The following PAPPA2 variants were observed in gnomAD, a reference collection of about 807,000 sequenced individuals.
The protein encoded by PAPPA2 is pappalysin 2.
PAPPA2 carries 86 observed loss-of-function variants against 176.4 expected under a neutral mutation model. That is an observed-to-expected ratio of 0.49 (90% CI 0.41 to 0.58). The LOEUF (loss-of-function observed/expected upper bound fraction) is 0.58. PAPPA2 is among the 20% of genes least tolerant of loss of function. The pLI, the probability that PAPPA2 is intolerant of heterozygous loss-of-function variation, is 0.00. For missense variants in PAPPA2, 2,073 were observed against 2,256.9 expected, an observed-to-expected ratio of 0.92 and a Z score of 1.65; for synonymous variants, 809 against 852.2, an observed-to-expected ratio of 0.95 and a Z score of 0.88.
At chr1:176,738,490 TC>T (rs1662521870) in intron 12 of PAPPA2, among the ~76,000 whole-genome samples, 1 of 152,100 alleles carries the variant, frequency 6.6e-6, no homozygotes, top group South Asian at 2.1e-4. Context: ...ACTCTCCTGC[TC>T]CCCACTTTTA....
Position 176,740,201 on chromosome 1 carries a change from A to C in PAPPA2, c.4151+5A>C. The C allele has an allele frequency of 6.2e-7, 1 of 1,611,838 alleles. No individual in the cohort carries two copies. The highest frequency in any genetic ancestry group is 1.1e-5 in the South Asian group (1 of 91,012). ...GCAGAATCATCAGGGACAGAGGTACAAACTTCCCTTTCTTTCTTTTGTTTC... is the reference window on the plus strand; with the variant it reads ...GCAGAATCATCAGGGACAGAGGTACCAACTTCCCTTTCTTTCTTTTGTTTC... On this transcript the variant is annotated splice_donor_5th_base_variant and intron_variant, in intron 14 of 22. Transcript: ENST00000367662.
intron 20 of PAPPA2, 71 bp from the exon 21 acceptor site, chr1:176,799,990 G>T (rs1047177737): frequency 3.3e-5 from 50 of 1,514,410 alleles, no homozygotes; most frequent in Admixed American, 1.5e-4. Flanking sequence ...GGTGAGCTCA[G>T]GATTTGCCCC....
intron 1 of PAPPA2, among the ~76,000 whole-genome samples, chr1:176,513,197 C>T (rs1648720826): frequency 6.6e-6 from 1 of 152,030 alleles, no homozygotes; most frequent in African/African-American, 2.4e-5. Context: ...TCATCATCAC[C>T]ATCTATATCT....
intron 1 of PAPPA2, among the ~76,000 whole-genome samples, chr1:176,488,173 T>C (rs1453463921): frequency 2.0e-5 from 3 of 152,200 alleles, no homozygotes. Context: ...TGTAGGCATC[T>C]TCCCTTGTTT....
chr1:176,546,874 A>C (rs1234966225), intron 1 of PAPPA2, among the ~76,000 whole-genome samples: 4 of 152,208 alleles, frequency 2.6e-5, no homozygotes, highest in African/African-American at 9.6e-5. Flanking sequence ...TAAATCAATA[A>C]ATTTCAAATT....
At chr1:176,652,075 T>A (rs1657756410) in intron 3 of PAPPA2, among the ~76,000 whole-genome samples, 1 of 151,658 alleles carries the variant, frequency 6.6e-6, no homozygotes, top group Non-Finnish European at 1.5e-5. Context: ...TCACTCAGTT[T>A]CCTTAATGCT....
intron 2 of PAPPA2, among the ~76,000 whole-genome samples, chr1:176,577,528 A>T (rs911594958): frequency 6.6e-6 from 1 of 152,116 alleles, no homozygotes; most frequent in Admixed American, 6.5e-5. Context: ...GCTAAGCCTA[A>T]TCCTGTCTTA....
intron 3 of PAPPA2, among the ~76,000 whole-genome samples, chr1:176,598,050 C>T (rs996565562): frequency 2.6e-5 from 4 of 152,132 alleles, no homozygotes; most frequent in African/African-American, 9.7e-5. Flanking sequence ...CTTTTACCCC[C>T]CACATATAAA....
chr1:176,616,689 A>G, intron 3 of PAPPA2: 1 of 1,520,188 alleles, frequency 6.6e-7, no homozygotes, highest in Non-Finnish European at 9.1e-7. Context: ...AAGCTCCTCT[A>G]TAAATTTATT....
chr1:176,642,998 GT>G (rs201057320), intron 3 of PAPPA2, among the ~76,000 whole-genome samples: 1 of 151,572 alleles, frequency 6.6e-6, no homozygotes, highest in Non-Finnish European at 1.5e-5. Flanking sequence ...CTGGGTGTCA[GT>G]TTTTTTTCTA....
At chr1:176,841,589 A>AATACCTG (rs1667490077) in intron 22 of PAPPA2, among the ~76,000 whole-genome samples, 1 of 152,008 alleles carries the variant, frequency 6.6e-6, no homozygotes, top group Admixed American at 6.6e-5. Flanking sequence ...ACCTCTCCCA[A>AATACCTG]ATACCTGATT....
At chr1:176,752,634 T>C (rs1663237882) in intron 14 of PAPPA2, among the ~76,000 whole-genome samples, 1 of 152,220 alleles carries the variant, frequency 6.6e-6, no homozygotes, top group African/African-American at 2.4e-5. Flanking sequence ...CTTCATTGTC[T>C]CTGTTAACCT....
chr1:176,602,945 A>G (rs1381038757), intron 3 of PAPPA2, among the ~76,000 whole-genome samples: 5 of 152,178 alleles, frequency 3.3e-5, no homozygotes, highest in African/African-American at 1.2e-4. Flanking sequence ...TTATGGAGCA[A>G]ATGAAATCCC....
intron 6 of PAPPA2, among the ~76,000 whole-genome samples, chr1:176,692,852 C>T (rs954810038): frequency 2.0e-5 from 3 of 152,164 alleles, no homozygotes; most frequent in Non-Finnish European, 2.9e-5. Flanking sequence ...ATGGAATTGT[C>T]ATCCTCTGCT....
intron 1 of PAPPA2, among the ~76,000 whole-genome samples, chr1:176,511,182 GA>G (rs1420745769): frequency 2.6e-5 from 4 of 151,918 alleles, no homozygotes; most frequent in Admixed American, 6.6e-5. Flanking sequence ...TAAAAGGATG[GA>G]AAAAATATAC....
rs866021115 is a variant in PAPPA2 at position 176,816,383 on chromosome 1, A to G, written c.5202+16251A>G. 1.3e-4 allele frequency among the ~76,000 whole-genome samples: 19 copies of G among 143,542 alleles called. No individual in the cohort carries two copies. The South Asian group carries it at 1.7e-3, about 13-fold the overall frequency. 94.2% of individuals were successfully genotyped at this position (143,542 alleles called of 152,430 possible). On this transcript the variant is annotated intron_variant, in intron 21 of 22. Transcript: ENST00000367662. The stretch of plus-strand genomic sequence containing the variant: ...AGCTCTCTGACATCATCACGCACAC[A>G]CACACACACACACACACACGCATAC...
chr1:176,556,131 C>T lies in PAPPA2; in HGVS notation c.-192C>T, dbSNP rs2102589445. 4.6e-6 allele frequency: 3 copies of T among 650,834 alleles called. No individual in the cohort carries two copies. The highest frequency in any genetic ancestry group is 4.3e-4 in the Middle Eastern group (1 of 2,338). 40.3% of individuals were successfully genotyped at this position (650,834 alleles called of 1,614,324 possible). A position where few individuals can be genotyped will look rare whatever the true frequency, so the allele number is the denominator to read the frequency against. On this transcript the variant is annotated 5_prime_UTR_variant, in exon 2 of 23. Transcript: ENST00000367662. ...GCCCTGGGGAGGCATAGAAGCCACA[C>T]TGGCAGAGCGGCCAGCACAGGTAGC...
chr1:176,695,390 G>T (rs1014134837), intron 6 of PAPPA2, among the ~76,000 whole-genome samples: 2 of 152,188 alleles, frequency 1.3e-5, no homozygotes, highest in Non-Finnish European at 2.9e-5. Context: ...TGAATGACTT[G>T]AGAGTCAATG....
At chr1:176,583,373 C>T (rs1653105504) in intron 2 of PAPPA2, among the ~76,000 whole-genome samples, 1 of 151,858 alleles carries the variant, frequency 6.6e-6, no homozygotes, top group Admixed American at 6.6e-5. Flanking sequence ...ATAATCTTGT[C>T]TCAATACTGC....
Sources: allele counts gnomAD v4.1 joint callset (sites outside exome capture counted in the v4.1 genomes callset), GRCh38; gene constraint gnomAD v4.1.1; transcripts MANE v1.5; gene names NCBI Gene and HGNC (gene_info 2026-07-23, HGNC 2026-07-21).